The following LIPC variants were observed in gnomAD, a reference collection of about 807,000 sequenced individuals.
LIPC encodes the protein hepatic triacylglycerol lipase.
LIPC carries 44 observed loss-of-function variants against 50.7 expected under a neutral mutation model. The observed-to-expected ratio is 0.87, with a 90% confidence interval of 0.68 to 1.11. LIPC has a LOEUF of 1.11. Ranked by LOEUF, LIPC falls within the 50% of genes most tolerant of loss-of-function variation. LIPC has a pLI of 0.00. For synonymous variants in LIPC, 271 were observed against 256.4 expected, an observed-to-expected ratio of 1.06 and a Z score of -0.54; for missense variants, 697 against 648.2, an observed-to-expected ratio of 1.08 and a Z score of -0.82.
intron 1 of LIPC, among the ~76,000 whole-genome samples, chr15:58,506,996 A>C (rs1158858964): frequency 6.6e-6 from 1 of 152,176 alleles, no homozygotes; most frequent in East Asian, 1.9e-4. Context: ...GGGGTAGGGG[A>C]AGCTCCTTAT....
chr15:58,455,895 T>C (rs1894091913), intron 1 of LIPC, among the ~76,000 whole-genome samples: 1 of 152,116 alleles, frequency 6.6e-6, no homozygotes, highest in Admixed American at 6.6e-5. Flanking sequence ...AATGCACCAC[T>C]GCCTGAGGGG....
At chr15:58,533,173 C>T (rs1366528747) in intron 1 of LIPC, 1 of 985,150 alleles carries the variant, frequency 1.0e-6, no homozygotes, top group African/African-American at 1.7e-5. Flanking sequence ...ATGAGAAAAG[C>T]TCCAGTTTCA....
rs916480231 is a variant in LIPC, at chr15:58,516,738, A to G, written c.89-21595A>G. Among the ~76,000 whole-genome samples, 6 of 152,364 alleles carry G rather than the reference A, an allele frequency of 3.9e-5. 1 individual carries two copies. In the South Asian group the frequency reaches 1.2e-3, roughly 32 times the overall value. ...TACATTTTCTTCTACCATCTTGAAT[A>G]AATGAAATATAGTTATAAGAACTGT... On this transcript the variant is annotated intron_variant, in intron 1 of 8. Transcript: ENST00000299022.
intron 1 of LIPC, among the ~76,000 whole-genome samples, chr15:58,483,871 T>C (rs1455089035): frequency 6.6e-6 from 1 of 152,218 alleles, no homozygotes; most frequent in Non-Finnish European, 1.5e-5. Flanking sequence ...TCAAATATCT[T>C]AATTCCCTCC....
In LIPC at chr15:58,470,768, T is replaced by G. The variant is rs560693216; in HGVS notation, c.88+38648T>G. Among the ~76,000 whole-genome samples the G allele has an allele frequency of 2.4e-4, 36 of 152,114 alleles. 1 individual carries two copies. Among genetic ancestry groups the G allele is most frequent in the African/African-American group, 8.2e-4 (34 of 41,496 alleles). ...GTGCCAGCCACCACACACAGCTAAT[T>G]TTTATATTTTTAGTAGACATGGGAT... On this transcript the variant is annotated intron_variant, in intron 1 of 8. Transcript: ENST00000299022.
chr15:58,488,462 C>G (rs1435327060), intron 1 of LIPC, among the ~76,000 whole-genome samples: 2 of 152,232 alleles, frequency 1.3e-5, no homozygotes, highest in Non-Finnish European at 2.9e-5. Flanking sequence ...TTGGAAGAGT[C>G]ATTCTCAGGC....
chr15:58,437,355 G>A (rs1412164660), intron 1 of LIPC, among the ~76,000 whole-genome samples: 1 of 151,682 alleles, frequency 6.6e-6, no homozygotes, highest in Admixed American at 6.6e-5. Context: ...TGTAAAACAA[G>A]TATAAGAAAA....
At chr15:58,498,235 C>T (rs550055418) in intron 1 of LIPC, among the ~76,000 whole-genome samples, 2 of 152,234 alleles carry the variant, frequency 1.3e-5, no homozygotes, top group East Asian at 1.9e-4. Context: ...CCAGGATCCT[C>T]GGAAGGGTTT....
rs1893520396 is a variant in LIPC at position 58,546,100 on chromosome 15, A to G, written c.808+125A>G. 7 of 841,154 alleles carry G rather than the reference A, an allele frequency of 8.3e-6. No individual in the cohort carries two copies. In the East Asian group the frequency reaches 1.6e-4, roughly 19 times the overall value. 52.1% of individuals were successfully genotyped at this position (841,154 alleles called of 1,614,324 possible). A position where few individuals can be genotyped will look rare whatever the true frequency, so the allele number is the denominator to read the frequency against. On this transcript the variant is annotated intron_variant, in intron 5 of 8. Coordinates refer to ENST00000299022, the MANE Select transcript of LIPC (RefSeq NM_000236.3). ...CAGCAAGGATAGGGGCCCAGGGTGT[A>G]TGGTCACCAAGCCCACCCAGAGAGA...
At chr15:58,536,263 G>T (rs1166141068) in intron 1 of LIPC, among the ~76,000 whole-genome samples, 1 of 152,168 alleles carries the variant, frequency 6.6e-6, no homozygotes, top group Admixed American at 6.5e-5. Context: ...ATCCAAAAGG[G>T]CATTTGGGAA....
At chr15:58,567,614 A>T (rs1894436850) in intron 8 of LIPC, among the ~76,000 whole-genome samples, 1 of 151,986 alleles carries the variant, frequency 6.6e-6, no homozygotes, top group Non-Finnish European at 1.5e-5. Flanking sequence ...TCTTGAGAAA[A>T]TCTTAATGTC....
chr15:58,476,140 C>T (rs1485382341), intron 1 of LIPC, among the ~76,000 whole-genome samples: 2 of 152,232 alleles, frequency 1.3e-5, no homozygotes, highest in African/African-American at 4.8e-5. Flanking sequence ...CTTGGCTAGG[C>T]TAAGCGATCT....
intron 1 of LIPC, among the ~76,000 whole-genome samples, chr15:58,520,355 C>A (rs1892618017): frequency 6.6e-6 from 1 of 152,110 alleles, no homozygotes; most frequent in Admixed American, 6.5e-5. Context: ...CCACAAGATC[C>A]TTGGCCTTGG....
chr15:58,454,790 C>T (rs746989425), intron 1 of LIPC: 6 of 152,268 alleles, frequency 3.9e-5, no homozygotes, highest in Admixed American at 6.5e-5. Context: ...CCCACATGGG[C>T]TGGGATCATA....
At chr15:58,496,855 T>C (rs1217834495) in intron 1 of LIPC, among the ~76,000 whole-genome samples, 2 of 151,894 alleles carry the variant, frequency 1.3e-5, no homozygotes, top group South Asian at 4.2e-4. Context: ...CGGCTCATTT[T>C]TGTATTTTTA....
intron 1 of LIPC, among the ~76,000 whole-genome samples, chr15:58,482,952 A>G (rs1891243240): frequency 6.6e-6 from 1 of 152,086 alleles, no homozygotes; most frequent in Admixed American, 6.5e-5. Context: ...GAGGCCCAGA[A>G]CCTGGCCAGC....
chr15:58,508,010 C>T (rs1277662875), intron 1 of LIPC, among the ~76,000 whole-genome samples: 13 of 152,102 alleles, frequency 8.5e-5, no homozygotes, highest in Non-Finnish European at 1.5e-4. Context: ...TGAATGAGCA[C>T]CAAAACAGAA....
In LIPC at chr15:58,442,770, G is replaced by A. The variant is rs377161512; in HGVS notation, c.88+10650G>A. Among the ~76,000 whole-genome samples, 48 of 152,302 alleles carry A rather than the reference G, an allele frequency of 3.2e-4. 1 individual carries two copies. In the South Asian group the frequency reaches 1.0e-2, roughly 32 times the overall value. On this transcript the variant is annotated intron_variant, in intron 1 of 8. Transcript: ENST00000299022. The stretch of plus-strand genomic sequence containing the variant: ...CCTCTCTGGTATAGCTGAAACATGG[G>A]CTTGCCTGAAGGGCAGAGGCAGAAG...
At chr15:58,539,350 A>G (rs1288132647) in intron 2 of LIPC, among the ~76,000 whole-genome samples, 1 of 152,188 alleles carries the variant, frequency 6.6e-6, no homozygotes, top group East Asian at 1.9e-4. Flanking sequence ...CATTGACCAT[A>G]TCTAAGTGGA....
Sources: allele counts gnomAD v4.1 joint callset (sites outside exome capture counted in the v4.1 genomes callset), GRCh38; gene constraint gnomAD v4.1.1; transcripts MANE v1.5; gene names NCBI Gene and HGNC (gene_info 2026-07-23, HGNC 2026-07-21).